Variants in SEC63 observed in about 807,000 individuals in gnomAD.
SEC63 encodes SEC63 protein translocation regulator.
SEC63 carries 56 observed loss-of-function variants against 116.2 expected under a neutral mutation model. That is an observed-to-expected ratio of 0.48 (90% confidence interval 0.39 to 0.60). The LOEUF (loss-of-function observed/expected upper bound fraction) is 0.60, where lower values mean the gene tolerates loss of function less well. Ranked by LOEUF, SEC63 falls within the 20% of genes least tolerant of loss-of-function variation. The pLI, the probability that SEC63 is intolerant of heterozygous loss-of-function variation, is 0.00. For missense variants in SEC63, 668 were observed against 900.0 expected (o/e 0.74, Z 3.30); for synonymous variants, 273 against 294.6 (o/e 0.93, Z 0.75).
chr6:107,868,173 T>C lies in SEC63; in HGVS notation c.*3531A>G, dbSNP rs1786038861. On this transcript the variant is annotated 3_prime_UTR_variant, in exon 21 of 21. Coordinates refer to ENST00000369002, the MANE Select transcript of SEC63 (RefSeq NM_007214.5). Reference sequence around the variant, plus strand: ...TTATTTCACTTTAAGGCAGTCTAAATAGAGGATTTCATGGAGTTAAATCAG... The same window carrying C: ...TTATTTCACTTTAAGGCAGTCTAAACAGAGGATTTCATGGAGTTAAATCAG... 6.6e-6 allele frequency: 1 copy of C among 151,786 alleles called. No individual in the cohort carries two copies. Among genetic ancestry groups the C allele is most frequent in the African/African-American group, 2.4e-5 (1 of 41,284 alleles). 9.4% of individuals were successfully genotyped at this position (151,786 alleles called of 1,614,324 possible). A position where few individuals can be genotyped will look rare whatever the true frequency, so the allele number is the denominator to read the frequency against.
chr6:107,903,053 G>A (rs751367534), intron 11 of SEC63, 55 bp from the exon 12 acceptor site: 9 of 1,580,694 alleles, frequency 5.7e-6, no homozygotes, highest in Non-Finnish European at 6.9e-6. Flanking sequence ...ATGTTCAGGA[G>A]TATACAATTC....
intron 1 of SEC63, among the ~76,000 whole-genome samples, chr6:107,950,863 C>G (rs569403108): frequency 6.6e-6 from 1 of 152,048 alleles, no homozygotes; most frequent in Non-Finnish European, 1.5e-5. Context: ...CCATAACCTA[C>G]GGAAAGAATA....
rs536133153 is a variant in SEC63 at position 107,944,723 on chromosome 6, G to A, written c.124+13163C>T. ...AAATAAAAATAAAAATAAAAATAAAGAAGTCTAGCCTGGAAATAGAAATTT... is the reference window on the plus strand; with the variant it reads ...AAATAAAAATAAAAATAAAAATAAAAAAGTCTAGCCTGGAAATAGAAATTT... On this transcript the variant is annotated intron_variant, in intron 1 of 20. Transcript: ENST00000369002. Among the ~76,000 whole-genome samples, 68 of 52,880 alleles carry A rather than the reference G, an allele frequency of 1.3e-3. 1 individual carries two copies. In the South Asian group the frequency reaches 0.039, roughly 30 times the overall value. 34.7% of individuals were successfully genotyped at this position (52,880 alleles called of 152,430 possible).
At chr6:107,944,048 A>G (rs1055560626) in intron 1 of SEC63, among the ~76,000 whole-genome samples, 3 of 152,248 alleles carry the variant, frequency 2.0e-5, no homozygotes, top group African/African-American at 7.2e-5. Flanking sequence ...TGGAGTGATG[A>G]GAAATGGTCG....
chr6:107,921,983 A>G lies in SEC63; in HGVS notation c.340-74T>C. ...GCACAATTCTGTAAAGAAATAATCA[A>G]TCCTATTTTGAACTTAAAATATGAA... On this transcript the variant is annotated intron_variant, in intron 3 of 20. Transcript: ENST00000369002. The G allele has an allele frequency of 5.7e-6, 5 of 879,604 alleles. No individual in the cohort carries two copies. The South Asian group carries it at 7.2e-5, about 13-fold the overall frequency. 54.5% of individuals were successfully genotyped at this position (879,604 alleles called of 1,614,324 possible). A position where few individuals can be genotyped will look rare whatever the true frequency, so the allele number is the denominator to read the frequency against.
At chr6:107,873,926 T>C (rs546580642) in intron 19 of SEC63, among the ~76,000 whole-genome samples, 2 of 152,044 alleles carry the variant, frequency 1.3e-5, no homozygotes, top group African/African-American at 2.4e-5. Flanking sequence ...CTACACTGAA[T>C]AGAATGAGCA....
intron 14 of SEC63, among the ~76,000 whole-genome samples, chr6:107,896,300 C>T (rs1278878889): frequency 1.3e-5 from 2 of 152,026 alleles, no homozygotes; most frequent in African/African-American, 4.8e-5. Flanking sequence ...CCCATCTCTA[C>T]TAAAAATACA....
intron 1 of SEC63, among the ~76,000 whole-genome samples, chr6:107,951,968 A>G (rs1309444281): frequency 1.4e-5 from 2 of 139,650 alleles, no homozygotes; most frequent in African/African-American, 6.5e-5. Context: ...GCGAGACTCC[A>G]TCTCAAAAAA....
chr6:107,955,534 C>G (rs1441657728), intron 1 of SEC63, among the ~76,000 whole-genome samples: 1 of 152,206 alleles, frequency 6.6e-6, no homozygotes, highest in African/African-American at 2.4e-5. Context: ...AGTATTAATT[C>G]CCTCCACCTA....
At chr6:107,874,249 A>G (rs955013311) in intron 19 of SEC63, among the ~76,000 whole-genome samples, 2 of 152,196 alleles carry the variant, frequency 1.3e-5, no homozygotes, top group African/African-American at 4.8e-5. Context: ...GATATTCTAC[A>G]AAACACCTTG....
chr6:107,953,395 G>A (rs1241040914), intron 1 of SEC63, among the ~76,000 whole-genome samples: 1 of 148,486 alleles, frequency 6.7e-6, no homozygotes, highest in Non-Finnish European at 1.5e-5. Flanking sequence ...GGAAGGAGGT[G>A]GGGGGGTCAG....
intron 1 of SEC63, among the ~76,000 whole-genome samples, chr6:107,947,799 A>C (rs562392929): frequency 1.8e-4 from 27 of 152,202 alleles, no homozygotes; most frequent in South Asian, 1.7e-3. Context: ...CACTGGAAAG[A>C]GCCTCTGAAA....
At position 107,932,937 on chromosome 6, in the gene SEC63, C is replaced by T. The variant is rs182863709; in HGVS notation, c.125-3423G>A. ...GCTGAATAACTGTCCCCCAAGATGTCCACATCTTAATACCTGGAACCAGTA... is the reference window on the plus strand; with the variant it reads ...GCTGAATAACTGTCCCCCAAGATGTTCACATCTTAATACCTGGAACCAGTA... On this transcript the variant is annotated intron_variant, in intron 1 of 20. Coordinates refer to ENST00000369002, the MANE Select transcript of SEC63 (RefSeq NM_007214.5). Among the ~76,000 whole-genome samples, 46 of 151,968 alleles carry T rather than the reference C, an allele frequency of 3.0e-4. No individual in the cohort carries two copies. In the East Asian group the frequency reaches 7.9e-3, roughly 26 times the overall value.
intron 1 of SEC63, among the ~76,000 whole-genome samples, chr6:107,953,197 T>C (rs1315762092): frequency 1.3e-5 from 2 of 152,182 alleles, no homozygotes; most frequent in East Asian, 1.9e-4. Context: ...GAAGCAGAGG[T>C]TGCAGTGAGC....
At chr6:107,889,547 T>A (rs973562368) in intron 16 of SEC63, among the ~76,000 whole-genome samples, 3 of 152,132 alleles carry the variant, frequency 2.0e-5, no homozygotes, top group Non-Finnish European at 4.4e-5. Context: ...GCTCCTTGGA[T>A]TCATTGATTT....
At position 107,867,791 on chromosome 6, in the gene SEC63, G is replaced by T. The variant is rs1786029999; in HGVS notation, c.*3913C>A. The T allele has an allele frequency of 6.6e-6, 1 of 150,688 alleles. No individual in the cohort carries two copies. The highest frequency in any genetic ancestry group is 6.6e-5 in the Admixed American group (1 of 15,126). 9.3% of individuals were successfully genotyped at this position (150,688 alleles called of 1,614,324 possible). Reference sequence around the variant, plus strand: ...AATAAATGTTTATTTATAAATAATAGAAGTGTACAATTGTACAATATATTA... The same window carrying T: ...AATAAATGTTTATTTATAAATAATATAAGTGTACAATTGTACAATATATTA... On this transcript the variant is annotated 3_prime_UTR_variant, in exon 21 of 21. Transcript: ENST00000369002.
intron 14 of SEC63, among the ~76,000 whole-genome samples, chr6:107,897,126 A>AC (rs1786867250): frequency 6.6e-6 from 1 of 152,234 alleles, no homozygotes; most frequent in African/African-American, 2.4e-5. Context: ...TAGGCTACAT[A>AC]CAGGGATGAG....
chr6:107,953,446 CACCTCTGCCCGGCCGCCCCT>C (rs1770621281), intron 1 of SEC63, among the ~76,000 whole-genome samples: 2 of 138,952 alleles, frequency 1.4e-5, no homozygotes, highest in South Asian at 4.6e-4. Flanking sequence ...AGGTGAGGGG[CACCTCTGCCCGGCCGCCCCT>C]ACTGGGAAGT....
chr6:107,888,087 G>A (rs1363335499), intron 16 of SEC63, among the ~76,000 whole-genome samples: 1 of 152,132 alleles, frequency 6.6e-6, no homozygotes, highest in Non-Finnish European at 1.5e-5. Flanking sequence ...CTCTTTTTTG[G>A]TTCCATATGA....
Sources: allele counts gnomAD v4.1 joint callset (sites outside exome capture counted in the v4.1 genomes callset), GRCh38; gene constraint gnomAD v4.1.1; transcripts MANE v1.5; gene names NCBI Gene and HGNC (gene_info 2026-07-23, HGNC 2026-07-21).